Variants in PITPNM2 observed in about 807,000 individuals in gnomAD.
PITPNM2 encodes membrane-associated phosphatidylinositol transfer protein 2.
In PITPNM2, 35 loss-of-function variants were observed where a neutral mutation model predicts 132.2. The ratio of observed to expected loss-of-function variants is 0.26; its 90% CI spans 0.20 to 0.35. PITPNM2 has a LOEUF of 0.35. Ranked by LOEUF, PITPNM2 falls within the 10% of genes least tolerant of loss-of-function variation. PITPNM2 has a pLI of 1.00. For synonymous variants in PITPNM2, 738 were observed against 799.2 expected, an observed-to-expected ratio of 0.92 and a Z score of 1.29; for missense variants, 1,332 against 1,912.0, an observed-to-expected ratio of 0.70 and a Z score of 5.66.
chr12:123,009,240 C>T lies in PITPNM2; in HGVS notation c.643+610G>A, dbSNP rs558150155. On this transcript the variant is annotated intron_variant, in intron 6 of 25. Coordinates refer to ENST00000320201, the MANE Select transcript of PITPNM2 (RefSeq NM_020845.3). This position sits in a 1 kb window ranked among gnomAD's most constrained non-coding sequence, Gnocchi z 4.8. ...TTGGAATGACATCATGCTATGACCT[C>T]GGCAGAGGGGGGTTTAGGGCTCTAG... Among the ~76,000 whole-genome samples, 126 of 152,266 alleles carry T rather than the reference C, an allele frequency of 8.3e-4. 1 individual carries two copies. Among genetic ancestry groups the T allele is most frequent in the African/African-American group, 3.0e-3 (123 of 41,544 alleles).
At chr12:122,989,336 C>T (rs1250774488) in intron 18 of PITPNM2, among the ~76,000 whole-genome samples, 3 of 152,188 alleles carry the variant, frequency 2.0e-5, no homozygotes, top group Admixed American at 6.5e-5. Context: ...GGCCACCCTA[C>T]GAGCCCTGAG....
chr12:123,079,358 T>C (rs1272585104), intron 2 of PITPNM2, among the ~76,000 whole-genome samples: 8 of 102,656 alleles, frequency 7.8e-5, no homozygotes, highest in South Asian at 6.9e-4. Context: ...TTCTTTTTTT[T>C]TTTTTTTTTT....
chr12:123,066,538 G>A (rs558878591), intron 2 of PITPNM2, among the ~76,000 whole-genome samples: 2 of 152,272 alleles, frequency 1.3e-5, no homozygotes, highest in Admixed American at 6.5e-5. Flanking sequence ...GAACCTCTGA[G>A]ACAAGCACAG....
intron 17 of PITPNM2, 94 bp downstream of exon 17, chr12:122,990,451 A>C: frequency 6.6e-7 from 1 of 1,517,720 alleles, no homozygotes; most frequent in Non-Finnish European, 8.9e-7. Flanking sequence ...TAGCTTCATC[A>C]GCTAGAAATG....
At chr12:123,093,677 T>C (rs1407756788) in intron 2 of PITPNM2, among the ~76,000 whole-genome samples, 1 of 152,158 alleles carries the variant, frequency 6.6e-6, no homozygotes, top group Non-Finnish European at 1.5e-5. Context: ...AGCAAAAGAT[T>C]CAGCCCCTAT....
At chr12:123,050,233 T>C (rs1218601187) in intron 2 of PITPNM2, among the ~76,000 whole-genome samples, 1 of 152,168 alleles carries the variant, frequency 6.6e-6, no homozygotes, top group East Asian at 1.9e-4. Context: ...GGGCCCTGAA[T>C]GAGATATGGC....
At chr12:123,001,901 T>C (rs1219578699) in intron 8 of PITPNM2, among the ~76,000 whole-genome samples, 1 of 151,840 alleles carries the variant, frequency 6.6e-6, no homozygotes, top group Non-Finnish European at 1.5e-5. Context: ...CGTGGTGGTG[T>C]GCGCCTGTAG....
chr12:123,113,618 C>G (rs1355918895), intron 1 of PITPNM2, among the ~76,000 whole-genome samples: 1 of 152,090 alleles, frequency 6.6e-6, no homozygotes, highest in Non-Finnish European at 1.5e-5. Context: ...GGAGGGTAAC[C>G]TGAGTCTGAG....
intron 18 of PITPNM2, 92 bp downstream of exon 18, chr12:122,989,695 C>T (rs907502688): frequency 4.1e-6 from 5 of 1,231,350 alleles, no homozygotes; most frequent in South Asian, 2.9e-5. Flanking sequence ...CCTGTTAGGC[C>T]GAAGCGGGGG....
intron 2 of PITPNM2, among the ~76,000 whole-genome samples, chr12:123,065,876 C>T (rs2041392105): frequency 6.6e-6 from 1 of 152,192 alleles, no homozygotes; most frequent in Non-Finnish European, 1.5e-5. Flanking sequence ...TTCAGGGGCA[C>T]CCTCTGTCAT....
chr12:123,085,387 A>G (rs905759461), intron 2 of PITPNM2, among the ~76,000 whole-genome samples: 5 of 152,110 alleles, frequency 3.3e-5, no homozygotes, highest in Non-Finnish European at 5.9e-5. Context: ...CCTCAAAAAC[A>G]TGATGCTGAG....
At chr12:123,123,448 CA>C (rs1010192907) in intron 1 of PITPNM2, among the ~76,000 whole-genome samples, 1 of 151,786 alleles carries the variant, frequency 6.6e-6, no homozygotes, top group Non-Finnish European at 1.5e-5. Context: ...TCCATGTCTA[CA>C]AAAATAAAAA....
Position 123,098,135 on chromosome 12 carries a change from C to T in PITPNM2, c.-96+12250G>A, listed in dbSNP as rs565417535. Among the ~76,000 whole-genome samples the T allele has an allele frequency of 1.3e-4, 20 of 152,344 alleles. No individual in the cohort carries two copies. The South Asian group carries it at 3.3e-3, about 25-fold the overall frequency. The stretch of plus-strand genomic sequence containing the variant: ...CAGGTTGCAGGGAGATGCTCTCCTG[C>T]CTGGCTTCTTGCACCTGTACAACGG... On this transcript the variant is annotated intron_variant, in intron 2 of 25. Transcript: ENST00000320201.
intron 2 of PITPNM2, among the ~76,000 whole-genome samples, chr12:123,080,516 TA>T (rs1267660249): frequency 6.6e-6 from 1 of 152,198 alleles, no homozygotes; most frequent in Non-Finnish European, 1.5e-5. Flanking sequence ...GCCTTTCCAC[TA>T]AAGCAATGCT....
chr12:123,136,022 C>A (rs1328599450), intron 1 of PITPNM2, among the ~76,000 whole-genome samples: 1 of 151,826 alleles, frequency 6.6e-6, no homozygotes. Context: ...ATTTTTTTGG[C>A]CAGGCGCAGT....
intron 3 of PITPNM2, among the ~76,000 whole-genome samples, chr12:123,020,708 G>C (rs1420460917): frequency 1.3e-5 from 2 of 152,084 alleles, no homozygotes; most frequent in African/African-American, 2.4e-5. Flanking sequence ...GGAGAGAAGG[G>C]AGAGGCCGGG....
chr12:123,111,334 C>T lies in PITPNM2; in HGVS notation c.-199-846G>A, dbSNP rs2137335950. ...GACAGAGAGGCTGCTTATCTGCTGGCTATGGAAGCTGGGAGTGTTTCAGGA... is the reference window on the plus strand; with the variant it reads ...GACAGAGAGGCTGCTTATCTGCTGGTTATGGAAGCTGGGAGTGTTTCAGGA... On this transcript the variant is annotated intron_variant, in intron 1 of 25. Transcript: ENST00000320201. The surrounding 1 kb of genome is among the most constrained non-coding windows in gnomAD (Gnocchi z 4.1). Among the ~76,000 whole-genome samples, 1 of 152,342 alleles carries T rather than the reference C, an allele frequency of 6.6e-6. No individual in the cohort carries two copies. Among genetic ancestry groups the T allele is most frequent in the East Asian group, 1.9e-4 (1 of 5,186 alleles).
intron 1 of PITPNM2, among the ~76,000 whole-genome samples, chr12:123,143,184 C>T (rs916939021): frequency 6.7e-6 from 1 of 149,964 alleles, no homozygotes; most frequent in Non-Finnish European, 1.5e-5. Context: ...GAGGGTGGAG[C>T]CAGCAGCACC....
At position 123,030,386 on chromosome 12, in the gene PITPNM2, G is replaced by A. The variant is rs141829055; in HGVS notation, c.78+4127C>T. On this transcript the variant is annotated intron_variant, in intron 3 of 25. Coordinates refer to ENST00000320201, the MANE Select transcript of PITPNM2 (RefSeq NM_020845.3). ...AAATTCCCTTCCTAGGTGTAGACCC[G>A]GAAGAATTGAAAATAGATACTTGTA... Among the ~76,000 whole-genome samples the A allele has an allele frequency of 3.9e-3, 593 of 152,104 alleles. 2 individuals are homozygous for A. Among genetic ancestry groups the A allele is most frequent in the African/African-American group, 0.014 (568 of 41,498 alleles).
Sources: gnomAD v4.1 joint callset for allele counts (sites outside exome capture counted in the v4.1 genomes callset) on GRCh38, gnomAD v4.1.1 for gene constraint, Gnocchi (gnomAD v3.1) non-coding constraint, MANE v1.5 for transcripts, NCBI Gene and HGNC (gene_info 2026-07-23, HGNC 2026-07-21) for gene names.